Variants in AGMO observed in about 807,000 individuals in gnomAD.
The protein encoded by AGMO is glyceryl-ether monooxygenase.
In AGMO, 75 loss-of-function variants were observed where a neutral mutation model predicts 60.2. That is an observed-to-expected ratio of 1.25 (90% confidence interval 1.03 to 1.51). AGMO has a LOEUF of 1.51. Ranked by LOEUF, AGMO falls within the 40% of genes most tolerant of loss-of-function variation. The probability of loss-of-function intolerance (pLI) is 0.00; values close to 1 mark genes in which losing one functional copy is unlikely to be tolerated. For synonymous variants in AGMO, 261 were observed against 177.1 expected (o/e 1.47, Z -3.76); for missense variants, 763 against 525.5 (o/e 1.45, Z -4.42).
chr7:15,274,737 T>C (rs980740031), intron 12 of AGMO, among the ~76,000 whole-genome samples: 1 of 151,842 alleles, frequency 6.6e-6, no homozygotes, highest in Non-Finnish European at 1.5e-5. Flanking sequence ...GATTCAGTTT[T>C]ATTACTAGTT....
rs145957414 is a variant in AGMO at position 15,207,313 on chromosome 7, T to C, written c.1264-5954A>G. On this transcript the variant is annotated intron_variant, in intron 12 of 12. Coordinates refer to ENST00000342526, the MANE Select transcript of AGMO (RefSeq NM_001004320.2). The stretch of plus-strand genomic sequence containing the variant: ...AGATGCTACCTTTCTCAAAAACATC[T>C]GTGAATTTTTAATCTTTGATTTGGA... 1.7e-3 allele frequency among the ~76,000 whole-genome samples: 257 copies of C among 152,338 alleles called. 1 individual carries two copies. Among genetic ancestry groups the C allele is most frequent in the African/African-American group, 5.9e-3 (244 of 41,584 alleles).
intron 12 of AGMO, among the ~76,000 whole-genome samples, chr7:15,321,318 G>C (rs545544534): frequency 6.6e-6 from 1 of 152,104 alleles, no homozygotes; most frequent in South Asian, 2.1e-4. Flanking sequence ...CATTATGCAT[G>C]CACCTTTCTA....
At chr7:15,367,945 A>C (rs1179634154) in intron 10 of AGMO, among the ~76,000 whole-genome samples, 1 of 152,038 alleles carries the variant, frequency 6.6e-6, no homozygotes. Flanking sequence ...AACAAAAGCC[A>C]CCAGTCACAA....
chr7:15,374,869 CT>C (rs1292610468), intron 10 of AGMO, among the ~76,000 whole-genome samples: 10 of 151,978 alleles, frequency 6.6e-5, no homozygotes, highest in African/African-American at 2.4e-4. Flanking sequence ...ATAGAGAACC[CT>C]AAAAATTTGC....
intron 12 of AGMO, among the ~76,000 whole-genome samples, chr7:15,351,635 GT>G (rs1403608950): frequency 6.6e-6 from 1 of 152,100 alleles, no homozygotes; most frequent in Non-Finnish European, 1.5e-5. Flanking sequence ...TAGCTGAGTT[GT>G]TACCATGCTT....
chr7:15,173,646 T>C, the AGMO span, among the ~76,000 whole-genome samples: 347 of 152,198 alleles, frequency 2.3e-3, no homozygotes, highest in African/African-American at 8.0e-3. Context: ...TGTAATGTTA[T>C]ACATTATAGA....
intron 3 of AGMO, among the ~76,000 whole-genome samples, chr7:15,464,464 T>G (rs1045436838): frequency 5.9e-5 from 9 of 152,218 alleles, no homozygotes; most frequent in Non-Finnish European, 1.0e-4. Flanking sequence ...AATCACTTTT[T>G]AAACAAGTAA....
At chr7:15,414,235 A>G (rs1201344320) in intron 5 of AGMO, among the ~76,000 whole-genome samples, 1 of 151,978 alleles carries the variant, frequency 6.6e-6, no homozygotes, top group Admixed American at 6.6e-5. Context: ...TCCTGACCTC[A>G]TGATCCACCC....
intron 12 of AGMO, among the ~76,000 whole-genome samples, chr7:15,290,531 G>A (rs538630894): frequency 2.6e-5 from 4 of 152,266 alleles, no homozygotes; most frequent in African/African-American, 9.6e-5. Context: ...GCAGTTGAAT[G>A]GCTCTCATAT....
intron 12 of AGMO, among the ~76,000 whole-genome samples, chr7:15,230,504 C>T (rs181092520): frequency 6.6e-6 from 1 of 152,260 alleles, no homozygotes; most frequent in African/African-American, 2.4e-5. Context: ...TCACACCAGA[C>T]TTGGTGCACA....
chr7:15,350,643 T>A (rs1782206620), intron 12 of AGMO, among the ~76,000 whole-genome samples: 1 of 152,206 alleles, frequency 6.6e-6, no homozygotes, highest in Non-Finnish European at 1.5e-5. Context: ...AGCTGGAATT[T>A]GTTCCTAGAT....
intron 3 of AGMO, among the ~76,000 whole-genome samples, chr7:15,517,414 A>G (rs573244781): frequency 1.3e-5 from 2 of 151,564 alleles, no homozygotes; most frequent in East Asian, 3.9e-4. Flanking sequence ...TGCAGCTCCC[A>G]GCGAGACCAA....
In AGMO at chr7:15,544,911, C is replaced by A; in HGVS notation, c.270G>T (p.Arg90Ser). 1.3e-6 allele frequency: 2 copies of A among 1,527,346 alleles called. No homozygotes were observed. Among genetic ancestry groups the A allele is most frequent in the Middle Eastern group, 1.7e-4 (1 of 5,742 alleles). 94.6% of individuals were successfully genotyped at this position (1,527,346 alleles called of 1,614,324 possible). Reference sequence around the variant, plus strand: ...AAATATAACTGGTCAGTTCAATGCTCCTGAAAAATAGACTGGAAGATAAAA... The same window carrying A: ...AAATATAACTGGTCAGTTCAATGCTACTGAAAAATAGACTGGAAGATAAAA... Reference protein sequence around the residue: ...VLSRLPSLFFRSIELTSYIYI... With the variant: ...VLSRLPSLFFSSIELTSYIYI... The change falls in exon 3 of 13, where the codon AGG becomes AGT. Residue 90 changes from arginine (R) to serine (S), a missense_variant. Transcript: ENST00000342526.
intron 12 of AGMO, among the ~76,000 whole-genome samples, chr7:15,322,477 T>TATATATATAA (rs1266121516): frequency 6.3e-5 from 5 of 79,754 alleles, no homozygotes; most frequent in African/African-American, 9.4e-5. Context: ...AATATATAAA[T>TATATATATAA]ATATATATAA....
intron 12 of AGMO, among the ~76,000 whole-genome samples, chr7:15,267,372 T>G (rs1783463327): frequency 6.6e-6 from 1 of 151,950 alleles, no homozygotes; most frequent in African/African-American, 2.4e-5. Flanking sequence ...AAAAACTCCA[T>G]CTGTTTTTAA....
At chr7:15,143,013 C>T in the AGMO span, among the ~76,000 whole-genome samples, 5 of 152,096 alleles carry the variant, frequency 3.3e-5, no homozygotes, top group Non-Finnish European at 5.9e-5. Context: ...ACTGAGGAGC[C>T]AGGATATAAA....
intron 12 of AGMO, among the ~76,000 whole-genome samples, chr7:15,300,957 T>C (rs1266270706): frequency 6.6e-6 from 1 of 152,152 alleles, no homozygotes; most frequent in Non-Finnish European, 1.5e-5. Context: ...CAGCTGAATC[T>C]ATCTGTCTCT....
intron 3 of AGMO, among the ~76,000 whole-genome samples, chr7:15,510,739 G>C (rs1783649397): frequency 1.3e-5 from 2 of 150,076 alleles, no homozygotes; most frequent in South Asian, 4.2e-4. Flanking sequence ...ATCAAAAACT[G>C]TTAAGTCTCT....
chr7:15,369,560 T>C (rs1358303828), intron 10 of AGMO, among the ~76,000 whole-genome samples: 1 of 152,068 alleles, frequency 6.6e-6, no homozygotes, highest in East Asian at 1.9e-4. Context: ...TTCATTCAGG[T>C]CTCTATTCAA....
Sources: allele counts gnomAD v4.1 joint callset (sites outside exome capture counted in the v4.1 genomes callset), GRCh38; gene constraint gnomAD v4.1.1; transcripts MANE v1.5; gene names NCBI Gene and HGNC (gene_info 2026-07-23, HGNC 2026-07-21).